Variants in ADARB1 observed in about 807,000 individuals in gnomAD.
The protein encoded by ADARB1 is adenosine deaminase RNA specific B1.
ADARB1 carries 10 observed loss-of-function variants against 52.4 expected under a neutral mutation model. That is an observed-to-expected ratio of 0.19 (90% CI 0.12 to 0.32). ADARB1 has a LOEUF of 0.32. Ranked by LOEUF, ADARB1 falls within the 10% of genes least tolerant of loss-of-function variation. ADARB1 has a pLI of 1.00. For synonymous variants in ADARB1, 349 were observed against 371.1 expected, an observed-to-expected ratio of 0.94 and a Z score of 0.68; for missense variants, 643 against 922.3, an observed-to-expected ratio of 0.70 and a Z score of 3.92.
intron 1 of ADARB1, among the ~76,000 whole-genome samples, chr21:45,087,148 A>AC (rs1177338470): frequency 6.6e-6 from 1 of 152,146 alleles, no homozygotes; most frequent in Non-Finnish European, 1.5e-5. Context: ...GCATATTAAA[A>AC]CCACATTCAG....
intron 1 of ADARB1, among the ~76,000 whole-genome samples, chr21:45,097,717 A>G (rs2086826794): frequency 6.6e-6 from 1 of 152,064 alleles, no homozygotes; most frequent in Admixed American, 6.5e-5. Flanking sequence ...AGGGTAGACT[A>G]GCAGGTCTGT....
intron 1 of ADARB1, among the ~76,000 whole-genome samples, chr21:45,125,087 G>A (rs1051430593): frequency 2.6e-5 from 4 of 152,144 alleles, no homozygotes; most frequent in Non-Finnish European, 5.9e-5. Context: ...GTGAGCTACC[G>A]CACCCAGCCT....
intron 2 of ADARB1, among the ~76,000 whole-genome samples, chr21:45,162,164 C>G (rs962832244): frequency 1.3e-5 from 2 of 152,210 alleles, no homozygotes; most frequent in Non-Finnish European, 2.9e-5. Flanking sequence ...GACCTAGGAG[C>G]TCCCTGAGCC....
intron 3 of ADARB1, among the ~76,000 whole-genome samples, chr21:45,175,202 A>C (rs1007987826): frequency 8.5e-5 from 13 of 152,354 alleles, no homozygotes; most frequent in Non-Finnish European, 1.8e-4. Context: ...AAAACTAATT[A>C]TCTTGTGAAT....
At chr21:45,075,574 G>C (rs959450595) in intron 1 of ADARB1, among the ~76,000 whole-genome samples, 12 of 152,282 alleles carry the variant, frequency 7.9e-5, no homozygotes. Context: ...ATCTGGGGCA[G>C]TTGGGGGCCC....
At chr21:45,217,533 G>A (rs1009430173) in intron 9 of ADARB1, among the ~76,000 whole-genome samples, 7 of 151,904 alleles carry the variant, frequency 4.6e-5, no homozygotes, top group Non-Finnish European at 8.8e-5. Flanking sequence ...AGACACTTTT[G>A]CATGTGTTAA....
intron 1 of ADARB1, among the ~76,000 whole-genome samples, chr21:45,101,409 C>T (rs372606037): frequency 6.6e-6 from 1 of 152,260 alleles, no homozygotes. Context: ...TCTCTCCAGA[C>T]ACCTAGGCTC....
intron 2 of ADARB1, among the ~76,000 whole-genome samples, chr21:45,144,239 T>A (rs400997): frequency 0.53 from 80,749 of 152,024 alleles, 21,611 homozygotes; most frequent in Middle Eastern, 0.58. Context: ...CCCCTTCTTA[T>A]AAGAGTAGAA....
chr21:45,134,409 A>G (rs1007499096), intron 2 of ADARB1, among the ~76,000 whole-genome samples: 11 of 150,410 alleles, frequency 7.3e-5, no homozygotes, highest in Non-Finnish European at 1.2e-4. Context: ...TGTGCCCGAC[A>G]GTGGTGTGTG....
At chr21:45,126,587 G>A (rs2088599383) in intron 1 of ADARB1, among the ~76,000 whole-genome samples, 1 of 152,194 alleles carries the variant, frequency 6.6e-6, no homozygotes, top group African/African-American at 2.4e-5. Context: ...ATAGGAGCAA[G>A]CCTGGAAGGG....
intron 1 of ADARB1, among the ~76,000 whole-genome samples, chr21:45,081,969 T>C (rs1009514401): frequency 6.6e-6 from 1 of 152,196 alleles, no homozygotes; most frequent in Non-Finnish European, 1.5e-5. Flanking sequence ...GTTGGCACTG[T>C]TGCCATGATT....
chr21:45,174,562 G>A lies in ADARB1; in HGVS notation c.29-1168G>A, dbSNP rs570889576. 2.0e-5 allele frequency among the ~76,000 whole-genome samples: 3 copies of A among 152,188 alleles called. No homozygotes were observed. In the South Asian group the frequency reaches 6.2e-4, roughly 32 times the overall value. ...TACTAAAAATACAAAAATTAGCCGG[G>A]CATGGTAGCCCACGCCTGTAGTCCC... On this transcript the variant is annotated intron_variant, in intron 3 of 10. Transcript: ENST00000348831.
intron 8 of ADARB1, among the ~76,000 whole-genome samples, chr21:45,186,902 C>A (rs1276976860): frequency 1.3e-5 from 2 of 152,128 alleles, no homozygotes; most frequent in Non-Finnish European, 2.9e-5. Flanking sequence ...ATTCTTTATG[C>A]CAGTGTCATG....
intron 2 of ADARB1, chr21:45,133,809 C>T (rs77395203): frequency 0.01 from 2,107 of 201,038 alleles, 15 homozygotes; most frequent in Admixed American, 0.015. Context: ...TGTGTGCGCC[C>T]GATGGGTGTG....
At chr21:45,118,718 G>C (rs1003978538) in intron 1 of ADARB1, 7 of 152,078 alleles carry the variant, frequency 4.6e-5, no homozygotes, top group African/African-American at 1.4e-4. Flanking sequence ...TTCTCTTCCA[G>C]CCCGCGTGCC....
chr21:45,097,644 G>A (rs564765692), intron 1 of ADARB1, among the ~76,000 whole-genome samples: 3 of 152,230 alleles, frequency 2.0e-5, no homozygotes, highest in African/African-American at 7.2e-5. Flanking sequence ...CTGGCCATGT[G>A]GCAAGGTGGA....
intron 2 of ADARB1, among the ~76,000 whole-genome samples, chr21:45,169,779 C>T (rs1448794255): frequency 6.6e-6 from 1 of 152,216 alleles, no homozygotes; most frequent in Non-Finnish European, 1.5e-5. Flanking sequence ...AAGCGCCTTG[C>T]CATCACTTTG....
chr21:45,190,899 G>T (rs1042687992), intron 8 of ADARB1, among the ~76,000 whole-genome samples: 4 of 152,194 alleles, frequency 2.6e-5, no homozygotes, highest in Admixed American at 2.6e-4. Context: ...TCCCACTTAG[G>T]GGGCACCTTG....
chr21:45,225,078 GTT>G lies in ADARB1; in HGVS notation c.*2884_*2885del. The stretch of plus-strand genomic sequence containing the variant: ...GGGAAGAGAGGGCTTCTGTTGTTTT[GTT>G]TTGTTTTGTTTTGTTAACTAAACCT... On this transcript the variant is annotated 3_prime_UTR_variant, in exon 11 of 11. Transcript: ENST00000348831. The G allele has an allele frequency of 1.0e-5, 10 of 982,324 alleles. No individual in the cohort carries two copies. The highest frequency in any genetic ancestry group is 1.2e-5 in the Non-Finnish European group (10 of 828,694). The allele number at this position is 982,324 out of a possible 1,614,324, so 60.9% of individuals were successfully genotyped here. A position where few individuals can be genotyped will look rare whatever the true frequency, so the allele number is the denominator to read the frequency against.
Sources: gnomAD v4.1 joint callset for allele counts (sites outside exome capture counted in the v4.1 genomes callset) on GRCh38, gnomAD v4.1.1 for gene constraint, MANE v1.5 for transcripts, NCBI Gene and HGNC (gene_info 2026-07-23, HGNC 2026-07-21) for gene names.